RNLS: variants seen among roughly 807,000 people sequenced by gnomAD.
RNLS encodes renalase.
Under a neutral mutation model 39.8 loss-of-function variants are expected in RNLS, and 39 were observed. The ratio of observed to expected loss-of-function variants is 0.98; its 90% CI spans 0.76 to 1.28. The LOEUF (loss-of-function observed/expected upper bound fraction) is 1.28. Ranked by LOEUF, RNLS falls within the 50% of genes most tolerant of loss-of-function variation. The pLI is 0.00. For missense variants in RNLS, 410 were observed against 413.3 expected, an observed-to-expected ratio of 0.99 and a Z score of 0.07; for synonymous variants, 147 against 150.7, an observed-to-expected ratio of 0.98 and a Z score of 0.18.
At chr10:88,550,919 G>A (rs894445278) in intron 4 of RNLS, among the ~76,000 whole-genome samples, 7 of 152,208 alleles carry the variant, frequency 4.6e-5, no homozygotes, top group Non-Finnish European at 7.3e-5. Flanking sequence ...GCATTTGCCC[G>A]AGGTAACCAT....
chr10:88,200,665 T>A, the RNLS span, among the ~76,000 whole-genome samples: 1 of 152,214 alleles, frequency 6.6e-6, no homozygotes, highest in East Asian at 1.9e-4. Context: ...CAGGGATTTC[T>A]TTCTCTGCAG....
the RNLS span, among the ~76,000 whole-genome samples, chr10:88,247,422 T>C: frequency 6.6e-6 from 1 of 152,140 alleles, no homozygotes; most frequent in Non-Finnish European, 1.5e-5. Flanking sequence ...AAAAATAGAA[T>C]GAGTTCGGAG....
chr10:88,568,232 T>G (rs1375479143), intron 4 of RNLS, among the ~76,000 whole-genome samples: 1 of 152,180 alleles, frequency 6.6e-6, no homozygotes, highest in African/African-American at 2.4e-5. Flanking sequence ...CATCATGACC[T>G]TTTATCTGGA....
chr10:88,386,170 A>G (rs927527032), intron 4 of RNLS, among the ~76,000 whole-genome samples: 3 of 152,212 alleles, frequency 2.0e-5, no homozygotes, highest in African/African-American at 7.2e-5. Flanking sequence ...ACTCTAACAA[A>G]AAATATAATT....
intron 4 of RNLS, among the ~76,000 whole-genome samples, chr10:88,539,639 C>G (rs113920901): frequency 0.018 from 2,671 of 152,152 alleles, 86 homozygotes; most frequent in African/African-American, 0.06. Flanking sequence ...ACAGTTATCC[C>G]TCAGTACATC....
At chr10:88,267,355 T>C in the RNLS span, among the ~76,000 whole-genome samples, 58,244 of 151,982 alleles carry the variant, frequency 0.38, 11,462 homozygotes, top group East Asian at 0.47. Flanking sequence ...GTCAGGAGGA[T>C]TGCTTGATCC....
Position 88,430,867 on chromosome 10 carries a change from T to C in RNLS, c.527-68142A>G, listed in dbSNP as rs1855096470. ...TTGTCGTGGTCTTTTGTATATGTTG[T>C]TGAATTAAATTTGCTACAATGTTTT... On this transcript the variant is annotated intron_variant, in intron 4 of 6. Coordinates refer to ENST00000331772, the MANE Select transcript of RNLS (RefSeq NM_001031709.3). 3.3e-5 allele frequency among the ~76,000 whole-genome samples: 5 copies of C among 151,762 alleles called. No individual in the cohort carries two copies. In the South Asian group the frequency reaches 1.0e-3, roughly 31 times the overall value.
the RNLS span, among the ~76,000 whole-genome samples, chr10:88,177,842 A>G: frequency 6.6e-6 from 1 of 152,216 alleles, no homozygotes; most frequent in African/African-American, 2.4e-5. Flanking sequence ...TTTGACTGCA[A>G]CTGCCTCAGT....
intron 4 of RNLS, among the ~76,000 whole-genome samples, chr10:88,433,238 A>G (rs940398485): frequency 2.0e-5 from 3 of 152,068 alleles, no homozygotes; most frequent in African/African-American, 7.2e-5. Flanking sequence ...CTAAGACCCA[A>G]ATATCTGTAA....
intron 4 of RNLS, among the ~76,000 whole-genome samples, chr10:88,516,899 CTG>C (rs1388229552): frequency 6.6e-6 from 1 of 151,972 alleles, no homozygotes; most frequent in African/African-American, 2.4e-5. Context: ...CTTTGACAAA[CTG>C]TTCATTTTCC....
chr10:88,426,201 A>T (rs1854743624), intron 4 of RNLS, among the ~76,000 whole-genome samples: 1 of 152,082 alleles, frequency 6.6e-6, no homozygotes, highest in Non-Finnish European at 1.5e-5. Flanking sequence ...GAACACAGAG[A>T]AGTACACAAG....
chr10:88,455,599 G>C (rs1198744603), intron 4 of RNLS, among the ~76,000 whole-genome samples: 1 of 151,956 alleles, frequency 6.6e-6, no homozygotes, highest in Non-Finnish European at 1.5e-5. Context: ...GTAGAGACAG[G>C]GTTTCACCGT....
At chr10:88,457,979 C>T (rs1412580903) in intron 4 of RNLS, among the ~76,000 whole-genome samples, 2 of 152,198 alleles carry the variant, frequency 1.3e-5, no homozygotes, top group South Asian at 4.1e-4. Context: ...AGTTTGAGGT[C>T]AGGCAGACTC....
rs931590074 is a variant in RNLS, at chr10:88,302,160, G to C, written c.876+12306C>G. Among the ~76,000 whole-genome samples, 48 of 152,194 alleles carry C rather than the reference G, an allele frequency of 3.2e-4. 1 individual carries two copies. The highest frequency in any genetic ancestry group is 2.4e-3 in the Admixed American group (36 of 15,272). On this transcript the variant is annotated intron_variant, in intron 6 of 6. Coordinates refer to ENST00000331772, the MANE Select transcript of RNLS (RefSeq NM_001031709.3). ...GAGACATAGAGTTATGGTCCAGCCT[G>C]CCCAAAGGTTTGAAATGACTCTGCA...
chr10:88,511,890 C>G (rs1846141238), intron 4 of RNLS, among the ~76,000 whole-genome samples: 1 of 152,152 alleles, frequency 6.6e-6, no homozygotes, highest in Non-Finnish European at 1.5e-5. Flanking sequence ...CCATTAATAA[C>G]TCTTTGAAAT....
At chr10:88,373,061 T>G (rs1850690852) in intron 4 of RNLS, among the ~76,000 whole-genome samples, 1 of 152,150 alleles carries the variant, frequency 6.6e-6, no homozygotes, top group Non-Finnish European at 1.5e-5. Flanking sequence ...CCTATCCATC[T>G]AATTACTTTA....
chr10:88,311,068 G>A (rs1348485024), intron 6 of RNLS, among the ~76,000 whole-genome samples: 1 of 151,932 alleles, frequency 6.6e-6, no homozygotes, highest in Non-Finnish European at 1.5e-5. Flanking sequence ...AAAAAATAAA[G>A]TAATCATGAG....
intron 4 of RNLS, among the ~76,000 whole-genome samples, chr10:88,521,615 A>G (rs781657251): frequency 1.3e-5 from 2 of 152,104 alleles, no homozygotes; most frequent in Non-Finnish European, 2.9e-5. Context: ...TGCAACTATC[A>G]TAACTGGCAA....
At chr10:88,298,256 C>T (rs1011537768) in intron 6 of RNLS, among the ~76,000 whole-genome samples, 3 of 151,838 alleles carry the variant, frequency 2.0e-5, no homozygotes, top group East Asian at 1.9e-4. Flanking sequence ...ATATGTGACT[C>T]ATAAATATTT....
Sources: gnomAD v4.1 joint callset for allele counts (sites outside exome capture counted in the v4.1 genomes callset) on GRCh38, gnomAD v4.1.1 for gene constraint, MANE v1.5 for transcripts, NCBI Gene and HGNC (gene_info 2026-07-23, HGNC 2026-07-21) for gene names.